The following UBR4 variants were observed in gnomAD, a reference collection of about 807,000 sequenced individuals.
UBR4 encodes ubiquitin protein ligase E3 component n-recognin 4.
A neutral mutation model predicts 575.6 loss-of-function variants in UBR4; 124 were observed. The ratio of observed to expected loss-of-function variants is 0.22; its 90% CI spans 0.19 to 0.25. The LOEUF (loss-of-function observed/expected upper bound fraction) is 0.25, where lower values mean the gene tolerates loss of function less well. Among genes scored for constraint, UBR4 ranks in the 10% least tolerant of loss-of-function variants. The pLI, the probability that UBR4 is intolerant of heterozygous loss-of-function variation, is 1.00. For synonymous variants in UBR4, 2,455 were observed against 2,473.7 expected (o/e 0.99, Z 0.22); for missense variants, 4,818 against 6,478.8 (o/e 0.74, Z 8.80).
At chr1:19,121,734 T>C (rs1016517425) in intron 67 of UBR4, among the ~76,000 whole-genome samples, 200 bp downstream of exon 67, 2 of 152,182 alleles carry the variant, frequency 1.3e-5, no homozygotes, top group East Asian at 1.9e-4. Flanking sequence ...TTTGTGCTTC[T>C]ACAGCTCCCC....
rs1174430359 is a variant in UBR4 at position 19,106,101 on chromosome 1, T to C, written c.12394-259A>G. ...AAGAACATACCTACAATAAGTGAAG[T>C]AGGAAAAAGGGATCTTCCTTAGCAA... On this transcript the variant is annotated intron_variant, in intron 83 of 105. Transcript: ENST00000375254. Among the ~76,000 whole-genome samples the C allele has an allele frequency of 2.6e-5, 4 of 152,166 alleles. No homozygotes were observed. The South Asian group carries it at 8.3e-4, about 31-fold the overall frequency.
At chr1:19,154,329 A>C (rs1415543862) in intron 44 of UBR4, among the ~76,000 whole-genome samples, 5 of 152,222 alleles carry the variant, frequency 3.3e-5, no homozygotes, top group Non-Finnish European at 7.3e-5. Context: ...CAAACCATGT[A>C]ATTCCCAAAG....
chr1:19,201,808 C>T lies in UBR4; in HGVS notation c.184G>A (p.Glu62Lys), dbSNP rs540883416. The change falls in exon 2 of 106, where the codon GAA (glutamate) becomes AAA (lysine). Residue 62 changes from glutamate to lysine, a missense_variant. Physicochemically the swap from Glu to Lys is moderately conservative, Grantham distance 56. Transcript: ENST00000375254. The part of the protein sequence containing the change: ...LVASVIESES[E>K]ILHHEKQYEP... The stretch of plus-strand genomic sequence containing the variant: ...TACTGCTTCTCATGGTGCAGGATTT[C>T]TGATTCACTGTAAAAATAATAATAA... 55 of 1,613,664 alleles carry T rather than the reference C, an allele frequency of 3.4e-5. No individual in the cohort carries two copies. The Middle Eastern group carries it at 4.9e-4, about 14-fold the overall frequency.
Position 19,093,172 on chromosome 1 carries a change from C to T in UBR4, c.14111+141G>A, listed in dbSNP as rs1446116059. ...ACTCTGCAGTGGTTGAATGGTCACC[C>T]ACATAGTTTCCAGAAGCGGTTGGGA... On this transcript the variant is annotated intron_variant, in intron 96 of 105. Transcript: ENST00000375254. The surrounding 1 kb of genome is among the most constrained non-coding windows in gnomAD (Gnocchi z 4.8). 1 of 1,185,076 alleles carries T rather than the reference C, an allele frequency of 8.4e-7. No homozygotes were observed. The highest frequency in any genetic ancestry group is 1.2e-6 in the Non-Finnish European group (1 of 833,770). 73.4% of individuals were successfully genotyped at this position (1,185,076 alleles called of 1,614,324 possible). A position where few individuals can be genotyped will look rare whatever the true frequency, so the allele number is the denominator to read the frequency against.
At position 19,121,324 on chromosome 1, in the gene UBR4, G is replaced by C; in HGVS notation, c.10006C>G (p.Leu3336Val). 1 of 1,614,222 alleles carries C rather than the reference G, an allele frequency of 6.2e-7. No individual in the cohort carries two copies. Among genetic ancestry groups the C allele is most frequent in the Non-Finnish European group, 8.5e-7 (1 of 1,180,022 alleles). The part of the protein sequence containing the change: ...ALCGSKVLAA[L>V]AASSGSSSAS... The stretch of plus-strand genomic sequence containing the variant: ...CTGGAGGATCCCGAAGAGGCTGCCA[G>C]TGCAGCGAGCACCTTGCTGCCGCAC... Residue 3336 changes from leucine (L) to valine (V), a missense_variant, in exon 68 of 106, where the codon CTG becomes GTG. Leu to Val is a conservative substitution (Grantham distance 32). Transcript: ENST00000375254.
chr1:19,162,198 G>A (rs1409998825), intron 35 of UBR4, among the ~76,000 whole-genome samples: 1 of 152,162 alleles, frequency 6.6e-6, no homozygotes, highest in Non-Finnish European at 1.5e-5. Flanking sequence ...GACTGACAAA[G>A]CAGGACAAGT....
In UBR4 at chr1:19,187,095, TAC is replaced by T. The variant is rs1320085293; in HGVS notation, c.1632+67_1632+68del. 1.5e-3 allele frequency: 1,248 copies of T among 807,852 alleles called. 9 individuals are homozygous for T. The African/African-American group carries it at 0.023, about 15-fold the overall frequency. The allele number at this position is 807,852 out of a possible 1,614,324, so 50.0% of individuals were successfully genotyped here. ...AAAGTTTTATATATATATATATATA[TAC>T]ATATATATATCATATATATAAAATG... On this transcript the variant is annotated intron_variant, in intron 13 of 105. Transcript: ENST00000375254.
intron 11 of UBR4, among the ~76,000 whole-genome samples, chr1:19,190,501 G>A (rs2091985997): frequency 6.6e-6 from 1 of 151,718 alleles, no homozygotes; most frequent in East Asian, 1.9e-4. Context: ...ATATCCAACT[G>A]CCCACTCAAC....
chr1:19,082,145 C>T (rs1202726000), intron 102 of UBR4: 3 of 256,260 alleles, frequency 1.2e-5, no homozygotes, highest in Non-Finnish European at 2.3e-5. Flanking sequence ...CTCCCGCCTT[C>T]GTTAGAACAG....
chr1:19,109,679 T>C (rs1374471857), intron 81 of UBR4, among the ~76,000 whole-genome samples: 1 of 152,244 alleles, frequency 6.6e-6, no homozygotes, highest in East Asian at 1.9e-4. Context: ...AAGGAACAAC[T>C]TGCCCAACAT....
At position 19,141,717 on chromosome 1, in the gene UBR4, G is replaced by C. The variant is rs749993303; in HGVS notation, c.8240C>G (p.Pro2747Arg). The C allele has an allele frequency of 1.2e-6, 2 of 1,614,114 alleles. No individual in the cohort carries two copies. The highest frequency in any genetic ancestry group is 1.7e-6 in the Non-Finnish European group (2 of 1,180,028). The change falls in exon 56 of 106, where the codon CCG becomes CGG. Residue 2747 changes from proline (P) to arginine (R), a missense_variant. Physicochemically the swap from Pro to Arg is moderately radical, Grantham distance 103 (BLOSUM62 -2). Coordinates refer to ENST00000375254, the MANE Select transcript of UBR4 (RefSeq NM_020765.3). ...ADEKMQSSGI[P>R]NGGHIRQESQ... The stretch of plus-strand genomic sequence containing the variant: ...TTCCTGACGGATGTGACCACCATTC[G>C]GGATCCCTGATGACTGCATTTTCTC...
chr1:19,197,007 G>A (rs2092495477), intron 8 of UBR4, 134 bp downstream of exon 8: 2 of 1,080,088 alleles, frequency 1.9e-6, no homozygotes, highest in Non-Finnish European at 2.6e-6. Context: ...ATTTCACCTT[G>A]ATGCGACGTT....
At position 19,139,296 on chromosome 1, in the gene UBR4, C is replaced by T. The variant is rs910234676; in HGVS notation, c.8594-76G>A. 3.3e-6 allele frequency: 5 copies of T among 1,505,014 alleles called. No homozygotes were observed. Among genetic ancestry groups the T allele is most frequent in the Non-Finnish European group, 3.6e-6 (4 of 1,121,408 alleles). 93.2% of individuals were successfully genotyped at this position (1,505,014 alleles called of 1,614,324 possible). On this transcript the variant is annotated intron_variant, in intron 58 of 105. Coordinates refer to ENST00000375254, the MANE Select transcript of UBR4 (RefSeq NM_020765.3). This position sits in a 1 kb window ranked among gnomAD's most constrained non-coding sequence, Gnocchi z 4.2. ...AACAAACAAAAAACAAAAAAAACCC[C>T]TCCTTGGGATGAAAGCATCAAACCA...
At chr1:19,126,401 T>C in intron 64 of UBR4, 45 bp downstream of exon 64, 1 of 1,611,216 alleles carries the variant, frequency 6.2e-7, no homozygotes, top group South Asian at 1.1e-5. Context: ...AGAAGAGTGC[T>C]CTGAACAAAG....
chr1:19,203,360 G>A (rs1451532052), intron 1 of UBR4, among the ~76,000 whole-genome samples: 1 of 151,846 alleles, frequency 6.6e-6, no homozygotes, highest in Non-Finnish European at 1.5e-5. Context: ...AATTAGCCAG[G>A]TGTGGTGGCA....
At chr1:19,160,353 T>C in intron 38 of UBR4, 72 bp from the exon 39 acceptor site, 2 of 1,379,928 alleles carry the variant, frequency 1.4e-6, no homozygotes, top group Non-Finnish European at 1.9e-6. Context: ...CTTGTAAAAA[T>C]CATCTTGCCA....
chr1:19,200,617 G>T (rs1444310190), intron 2 of UBR4, among the ~76,000 whole-genome samples: 2 of 151,878 alleles, frequency 1.3e-5, no homozygotes, highest in African/African-American at 4.8e-5. Context: ...CTCATAACCC[G>T]ATCTCAAAAT....
intron 42 of UBR4, 117 bp downstream of exon 42, chr1:19,156,154 G>T (rs190458864): frequency 1.1e-5 from 15 of 1,393,882 alleles, no homozygotes; most frequent in African/African-American, 1.4e-5. Context: ...TACTACAGGT[G>T]AAAGTCATGG....
At chr1:19,149,656 G>A (rs932863006) in intron 49 of UBR4, 1 of 1,017,964 alleles carries the variant, frequency 9.8e-7, no homozygotes, top group Non-Finnish European at 1.3e-6. Flanking sequence ...GAAAGAAGCA[G>A]GAAGACTCTT....
Sources: allele counts gnomAD v4.1 joint callset (sites outside exome capture counted in the v4.1 genomes callset), GRCh38; gene constraint gnomAD v4.1.1; non-coding constraint Gnocchi (gnomAD v3.1); transcripts MANE v1.5; gene names NCBI Gene and HGNC (gene_info 2026-07-23, HGNC 2026-07-21).